CDC14B: variants seen among roughly 807,000 people sequenced by gnomAD.
The protein encoded by CDC14B is dual specificity protein phosphatase CDC14B.
In CDC14B, 22 loss-of-function variants were observed where a neutral mutation model predicts 64.2. The observed-to-expected ratio is 0.34, with a 90% CI of 0.24 to 0.49. The LOEUF is 0.49. Among genes scored for constraint, CDC14B ranks in the 20% least tolerant of loss-of-function variants. CDC14B has a pLI of 0.99. For missense variants in CDC14B, 498 were observed against 629.9 expected (o/e 0.79, Z 2.24); for synonymous variants, 191 against 215.8 (o/e 0.89, Z 1.01).
chr9:96,597,355 A>G (rs1846151167), intron 1 of CDC14B, among the ~76,000 whole-genome samples: 2 of 151,940 alleles, frequency 1.3e-5, no homozygotes, highest in Admixed American at 1.3e-4. Flanking sequence ...TTAGCCGAGC[A>G]TGGTGGCATG....
At chr9:96,549,166 C>G (rs1841429097) in intron 5 of CDC14B, among the ~76,000 whole-genome samples, 1 of 151,872 alleles carries the variant, frequency 6.6e-6, no homozygotes, top group Non-Finnish European at 1.5e-5. Context: ...TATACTATTA[C>G]ATATCCAGTA....
chr9:96,503,782 T>C lies in CDC14B; in HGVS notation c.1468A>G (p.Ile490Val). The change falls in exon 14 of 14, where the codon ATT (isoleucine) becomes GTT (valine). Residue 490 changes from isoleucine (I) to valine (V), a missense_variant. Transcript: ENST00000375241. ...SRKSSVKSLS[I>V]SRTKTVLR is the part of the protein sequence containing the mutation. ...CGCAAGACTGTTTTAGTCCTTGAAATGGAGAGACTACAGGGGGAAAAAAAA... is the reference window on the plus strand; with the variant it reads ...CGCAAGACTGTTTTAGTCCTTGAAACGGAGAGACTACAGGGGGAAAAAAAA... The C allele has an allele frequency of 6.2e-7, 1 of 1,613,660 alleles. No individual in the cohort carries two copies. The highest frequency in any genetic ancestry group is 8.5e-7 in the Non-Finnish European group (1 of 1,179,792).
chr9:96,531,085 G>C (rs1008669317), intron 9 of CDC14B, among the ~76,000 whole-genome samples: 1 of 152,124 alleles, frequency 6.6e-6, no homozygotes, highest in Non-Finnish European at 1.5e-5. Context: ...ATCGATGTTC[G>C]TAAGGGATAC....
intron 13 of CDC14B, among the ~76,000 whole-genome samples, chr9:96,504,991 T>C (rs1215135483): frequency 6.6e-6 from 1 of 152,104 alleles, no homozygotes; most frequent in Non-Finnish European, 1.5e-5. Flanking sequence ...CTGGCCAACA[T>C]GGTGAAACCT....
chr9:96,571,569 G>C (rs777714644), intron 1 of CDC14B, among the ~76,000 whole-genome samples: 16 of 152,178 alleles, frequency 1.1e-4, no homozygotes, highest in East Asian at 1.9e-4. Context: ...TGGGGGAAAA[G>C]ACCTATAATA....
At position 96,501,654 on chromosome 9, in the gene CDC14B, A is replaced by G. The variant is rs1201563059; in HGVS notation, c.*2099T>C. 1 of 152,614 alleles carries G rather than the reference A, an allele frequency of 6.6e-6. No individual in the cohort carries two copies. Among genetic ancestry groups the G allele is most frequent in the African/African-American group, 2.4e-5 (1 of 41,442 alleles). 9.5% of individuals were successfully genotyped at this position (152,614 alleles called of 1,614,324 possible). A position where few individuals can be genotyped will look rare whatever the true frequency, so the allele number is the denominator to read the frequency against. ...TGACTAATTTCAGTGAACCAGTTAA[A>G]TAGAAAGATTTTTAGAAAGAGCCAC... is the stretch of plus-strand genomic sequence containing the variant. On this transcript the variant is annotated 3_prime_UTR_variant, in exon 14 of 14. Transcript: ENST00000375241.
At chr9:96,566,817 G>T (rs778157922) in intron 1 of CDC14B, 5 of 1,605,686 alleles carry the variant, frequency 3.1e-6, no homozygotes, top group Non-Finnish European at 4.2e-6. Context: ...CCCGGCTCAT[G>T]ACTCCAAAGC....
At chr9:96,596,364 C>CA (rs113025946) in intron 1 of CDC14B, among the ~76,000 whole-genome samples, 21,012 of 73,556 alleles carry the variant, frequency 0.29, 2,476 homozygotes, top group African/African-American at 0.43. Context: ...GACTCCATCT[C>CA]AAAAAAAAAA....
At chr9:96,510,743 C>T (rs1357593353) in intron 12 of CDC14B, among the ~76,000 whole-genome samples, 2 of 151,784 alleles carry the variant, frequency 1.3e-5, no homozygotes, top group Non-Finnish European at 1.5e-5. Context: ...GTAGCTGGGA[C>T]CGCAGGCGCC....
intron 1 of CDC14B, 63 bp downstream of exon 1, chr9:96,619,156 G>A: frequency 8.3e-7 from 1 of 1,200,098 alleles, no homozygotes; most frequent in Non-Finnish European, 1.0e-6. Flanking sequence ...GTGGGAGGTG[G>A]GCCAGGGCCC....
chr9:96,537,509 G>C (rs1227053117), intron 7 of CDC14B, among the ~76,000 whole-genome samples: 1 of 152,102 alleles, frequency 6.6e-6, no homozygotes, highest in Non-Finnish European at 1.5e-5. Context: ...AGGCATTCCT[G>C]GGCCTTCTGA....
At chr9:96,507,013 G>T (rs1170094858) in intron 13 of CDC14B, among the ~76,000 whole-genome samples, 2 of 152,316 alleles carry the variant, frequency 1.3e-5, no homozygotes, top group South Asian at 2.1e-4. Flanking sequence ...AGCCTGAGCG[G>T]CCGGGCGCCG....
intron 4 of CDC14B, among the ~76,000 whole-genome samples, chr9:96,560,712 C>T (rs1017484073): frequency 2.7e-5 from 4 of 148,892 alleles, no homozygotes; most frequent in Non-Finnish European, 5.9e-5. Context: ...TCTCCCAAGT[C>T]GCTGGGATTA....
At chr9:96,504,186 G>A (rs1375593107) in intron 13 of CDC14B, among the ~76,000 whole-genome samples, 2 of 152,188 alleles carry the variant, frequency 1.3e-5, no homozygotes, top group East Asian at 1.9e-4. Flanking sequence ...CGGGCAGAAT[G>A]AAAAGATAGA....
At chr9:96,545,463 G>A (rs923969678) in intron 5 of CDC14B, among the ~76,000 whole-genome samples, 4 of 151,626 alleles carry the variant, frequency 2.6e-5, no homozygotes, top group South Asian at 4.2e-4. Flanking sequence ...GACTACAGGC[G>A]CCTGCCACCA....
At chr9:96,513,962 T>TC (rs1835260880) in intron 12 of CDC14B, among the ~76,000 whole-genome samples, 1 of 152,080 alleles carries the variant, frequency 6.6e-6, no homozygotes, top group Non-Finnish European at 1.5e-5. Context: ...AGCTCAGGAG[T>TC]CACCACCTTA....
intron 13 of CDC14B, among the ~76,000 whole-genome samples, chr9:96,507,030 A>G (rs1021531608): frequency 6.6e-6 from 1 of 152,208 alleles, no homozygotes; most frequent in Non-Finnish European, 1.5e-5. Flanking sequence ...GCCGTGGCTC[A>G]CGCCTGTAAT....
At chr9:96,498,674 A>G (rs1833351663), downstream of CDC14B, among the ~76,000 whole-genome samples, 1 of 152,268 alleles carries the variant, frequency 6.6e-6, no homozygotes, top group South Asian at 2.1e-4. Flanking sequence ...AATTATCTAG[A>G]GAAAATGACC....
chr9:96,521,840 C>T (rs1408380368), intron 12 of CDC14B, among the ~76,000 whole-genome samples: 1 of 152,170 alleles, frequency 6.6e-6, no homozygotes, highest in Non-Finnish European at 1.5e-5. Flanking sequence ...GGAGCATTTA[C>T]TAAAGAACAG....
Sources: allele counts gnomAD v4.1 joint callset (sites outside exome capture counted in the v4.1 genomes callset), GRCh38; gene constraint gnomAD v4.1.1; transcripts MANE v1.5; gene names NCBI Gene and HGNC (gene_info 2026-07-23, HGNC 2026-07-21).